SPIRE1: variants seen among roughly 807,000 people sequenced by gnomAD.
SPIRE1 encodes the protein spire type actin nucleation factor 1, also known as protein spire homolog 1.
SPIRE1 carries 40 observed loss-of-function variants against 94.1 expected under a neutral mutation model. The ratio of observed to expected loss-of-function variants is 0.43; its 90% CI spans 0.33 to 0.55. The LOEUF (loss-of-function observed/expected upper bound fraction) is 0.55, where lower values mean the gene tolerates loss of function less well. Among genes scored for constraint, SPIRE1 ranks in the 20% least tolerant of loss-of-function variants. The pLI, the probability that SPIRE1 is intolerant of heterozygous loss-of-function variation, is 0.06. For missense variants in SPIRE1, 838 were observed against 975.2 expected (o/e 0.86, Z 1.87); for synonymous variants, 376 against 371.7 (o/e 1.01, Z -0.13).
chr18:12,540,091 A>C (rs1417470449), intron 3 of SPIRE1, among the ~76,000 whole-genome samples: 2 of 152,078 alleles, frequency 1.3e-5, no homozygotes, highest in Admixed American at 1.3e-4. Context: ...CACAGACCTA[A>C]GGAAAGAGTG....
chr18:12,467,283 A>C (rs1242325646), intron 10 of SPIRE1, among the ~76,000 whole-genome samples: 2 of 152,092 alleles, frequency 1.3e-5, no homozygotes, highest in Non-Finnish European at 2.9e-5. Context: ...GTCTCAAAAA[A>C]CAAAAACCAA....
intron 1 of SPIRE1, among the ~76,000 whole-genome samples, chr18:12,657,277 G>C (rs2038572037): frequency 6.6e-6 from 1 of 151,316 alleles, no homozygotes; most frequent in Admixed American, 6.6e-5. Flanking sequence ...CGCAGGCCCA[G>C]GCCCACCCAA....
chr18:12,513,489 CTTTATTTATTTATTTATTTA>C lies in SPIRE1; in HGVS notation c.730-978_730-959del, dbSNP rs10580270. Among the ~76,000 whole-genome samples, 159 of 142,928 alleles carry C rather than the reference CTTTATTTATTTATTTATTTA, an allele frequency of 1.1e-3. 1 individual carries two copies. The highest frequency in any genetic ancestry group is 3.3e-3 in the East Asian group (16 of 4,810). The allele number at this position is 142,928 out of a possible 152,430, so 93.8% of individuals were successfully genotyped here. On this transcript the variant is annotated intron_variant, in intron 4 of 16. Transcript: ENST00000409402. ...TTATATGAGAATAATGAATACTTAACTTTATTTATTTATTTATTTATTTATTTATTTATTTATTTATTTAT... is the reference window on the plus strand; with the variant it reads ...TTATATGAGAATAATGAATACTTAACTTTATTTATTTATTTATTTATTTAT...
chr18:12,576,402 C>T (rs775713783), intron 2 of SPIRE1, among the ~76,000 whole-genome samples: 4 of 151,130 alleles, frequency 2.6e-5, no homozygotes, highest in African/African-American at 7.3e-5. Flanking sequence ...GCCGACATAG[C>T]GAAATCTCGT....
At chr18:12,589,428 C>T (rs1194901437) in intron 2 of SPIRE1, among the ~76,000 whole-genome samples, 1 of 152,162 alleles carries the variant, frequency 6.6e-6, no homozygotes, top group Non-Finnish European at 1.5e-5. Flanking sequence ...CCCACTCTGC[C>T]AGGGTGTCCG....
At chr18:12,531,661 G>A (rs973128026) in intron 4 of SPIRE1, among the ~76,000 whole-genome samples, 1 of 152,182 alleles carries the variant, frequency 6.6e-6, no homozygotes, top group Non-Finnish European at 1.5e-5. Context: ...GTAAGGAAGA[G>A]AAGGCATTTT....
chr18:12,461,048 C>T (rs909731168), intron 12 of SPIRE1, among the ~76,000 whole-genome samples: 1 of 152,010 alleles, frequency 6.6e-6, no homozygotes, highest in African/African-American at 2.4e-5. Context: ...TCAGTGATTG[C>T]AAGTTAGTTT....
intron 1 of SPIRE1, among the ~76,000 whole-genome samples, chr18:12,639,516 G>A (rs773271363): frequency 1.3e-5 from 2 of 152,078 alleles, no homozygotes; most frequent in African/African-American, 2.4e-5. Context: ...GGTGGATCAC[G>A]AGGTCAGGAG....
intron 2 of SPIRE1, among the ~76,000 whole-genome samples, chr18:12,593,827 CTG>C (rs1051244469): frequency 1.3e-5 from 2 of 152,082 alleles, no homozygotes; most frequent in Non-Finnish European, 2.9e-5. Context: ...TGGCACATGC[CTG>C]TAATCCCAGC....
intron 4 of SPIRE1, among the ~76,000 whole-genome samples, chr18:12,525,540 T>C (rs981715179): frequency 6.6e-6 from 1 of 151,904 alleles, no homozygotes; most frequent in African/African-American, 2.4e-5. Context: ...TTGCTGCTTT[T>C]AGAAAAAAAA....
At chr18:12,661,780 G>GA (rs113024471), upstream of SPIRE1, 3,339 of 141,946 alleles carry the variant, frequency 0.024, 121 homozygotes, top group African/African-American at 0.076. Flanking sequence ...GTCTCAAAGA[G>GA]AAAAAAAAAA....
chr18:12,454,533 G>C (rs1568179317), intron 12 of SPIRE1, 50 bp from the exon 13 acceptor site: 1 of 1,593,962 alleles, frequency 6.3e-7, no homozygotes, highest in Admixed American at 1.7e-5. Flanking sequence ...CCCTGTTCTG[G>C]AAGTGCAAAA....
intron 2 of SPIRE1, among the ~76,000 whole-genome samples, chr18:12,611,080 T>C (rs1180514167): frequency 6.6e-6 from 1 of 152,208 alleles, no homozygotes; most frequent in Non-Finnish European, 1.5e-5. Flanking sequence ...TTCCCTTCTA[T>C]ACTGGATCGT....
At chr18:12,455,454 A>G (rs1002273013) in intron 12 of SPIRE1, among the ~76,000 whole-genome samples, 8 of 152,188 alleles carry the variant, frequency 5.3e-5, no homozygotes, top group African/African-American at 1.9e-4. Context: ...ATTTGTTGTT[A>G]CTTTCAACAA....
chr18:12,576,619 G>C (rs1243157650), intron 2 of SPIRE1, among the ~76,000 whole-genome samples: 3 of 147,670 alleles, frequency 2.0e-5, no homozygotes, highest in Non-Finnish European at 3.0e-5. Flanking sequence ...ACGGGGCACA[G>C]TGGCTCACGC....
At chr18:12,529,643 T>A (rs982473167) in intron 4 of SPIRE1, among the ~76,000 whole-genome samples, 4 of 152,188 alleles carry the variant, frequency 2.6e-5, no homozygotes, top group Non-Finnish European at 5.9e-5. Context: ...AAATCCAAGA[T>A]GAGTTAACTG....
chr18:12,492,008 C>T (rs1039959702), intron 8 of SPIRE1, among the ~76,000 whole-genome samples: 1 of 152,156 alleles, frequency 6.6e-6, no homozygotes, highest in Non-Finnish European at 1.5e-5. Context: ...AGGATGAGTT[C>T]ACTTGTGGAA....
At position 12,625,354 on chromosome 18, in the gene SPIRE1, A is replaced by G. The variant is rs549167665; in HGVS notation, c.372+9708T>C. Reference sequence around the variant, plus strand: ...AAGTAGAATGCAAGCATTCCTAAACATTCCTCTTAGCCTGCTGACCAAGGA... The same window carrying G: ...AAGTAGAATGCAAGCATTCCTAAACGTTCCTCTTAGCCTGCTGACCAAGGA... On this transcript the variant is annotated intron_variant, in intron 2 of 16. Transcript: ENST00000409402. 9.2e-5 allele frequency among the ~76,000 whole-genome samples: 14 copies of G among 152,316 alleles called. 1 individual carries two copies. In the South Asian group the frequency reaches 2.1e-3, roughly 23 times the overall value.
rs35643817 is a variant in SPIRE1 at position 12,448,878 on chromosome 18, C to T, written c.*760G>A. On this transcript the variant is annotated 3_prime_UTR_variant, in exon 17 of 17. Coordinates refer to ENST00000409402, the MANE Select transcript of SPIRE1 (RefSeq NM_001128626.2). The surrounding 1 kb of genome is among the most constrained non-coding windows in gnomAD (Gnocchi z 4.4). ...CTTCCTTTGTCCTGAAACTCCCACA[C>T]AACTTTAATTCTTAGACCTCCATTA... 0.034 allele frequency: 5,115 copies of T among 152,658 alleles called. 123 individuals are homozygous for T. The highest frequency in any genetic ancestry group is 0.049 in the Non-Finnish European group (3,354 of 68,044). 9.5% of individuals were successfully genotyped at this position (152,658 alleles called of 1,614,324 possible).
Sources: gnomAD v4.1 joint callset for allele counts (sites outside exome capture counted in the v4.1 genomes callset) on GRCh38, gnomAD v4.1.1 for gene constraint, Gnocchi (gnomAD v3.1) non-coding constraint, MANE v1.5 for transcripts, NCBI Gene and HGNC (gene_info 2026-07-23, HGNC 2026-07-21) for gene names.